Variants in RANBP2 observed in about 807,000 individuals in gnomAD.
RANBP2 encodes E3 SUMO-protein ligase RanBP2.
RANBP2 carries 57 observed loss-of-function variants against 303.6 expected under a neutral mutation model. That is an observed-to-expected ratio of 0.19 (90% CI 0.15 to 0.23). The LOEUF is 0.23. Ranked by LOEUF, RANBP2 falls within the 10% of genes least tolerant of loss-of-function variation. The probability of loss-of-function intolerance (pLI) is 1.00; values close to 1 mark genes in which losing one functional copy is unlikely to be tolerated. For synonymous variants in RANBP2, 1,167 were observed against 1,301.5 expected (o/e 0.90, Z 2.23); for missense variants, 3,138 against 3,780.8 (o/e 0.83, Z 4.46).
the RANBP2 span, among the ~76,000 whole-genome samples, chr2:109,096,628 G>A: frequency 6.6e-6 from 1 of 152,152 alleles, no homozygotes; most frequent in African/African-American, 2.4e-5. Context: ...CTCTCATGGA[G>A]AGCTGAAATG....
the RANBP2 span, chr2:109,613,292 A>G: frequency 2.9e-6 from 2 of 700,966 alleles, no homozygotes; most frequent in Non-Finnish European, 4.0e-6. Context: ...CAAGGCGGGA[A>G]AAAAACGGTT....
At chr2:109,106,569 G>A in the RANBP2 span, among the ~76,000 whole-genome samples, 2 of 152,128 alleles carry the variant, frequency 1.3e-5, no homozygotes, top group Non-Finnish European at 2.9e-5. Context: ...GGGTGCGGTG[G>A]CTCACACCTG....
At chr2:109,153,290 C>T in the RANBP2 span, among the ~76,000 whole-genome samples, 2 of 152,188 alleles carry the variant, frequency 1.3e-5, no homozygotes, top group Non-Finnish European at 2.9e-5. Flanking sequence ...TAAGCTGTCA[C>T]TGGAAACCCA....
At chr2:109,053,552 G>T in the RANBP2 span, among the ~76,000 whole-genome samples, 1 of 152,210 alleles carries the variant, frequency 6.6e-6, no homozygotes, top group East Asian at 1.9e-4. Context: ...GACTTTCTCT[G>T]CTCCAGCAGC....
chr2:108,743,826 C>T (rs185501194), intron 7 of RANBP2, among the ~76,000 whole-genome samples: 8 of 152,320 alleles, frequency 5.3e-5, no homozygotes, highest in Admixed American at 2.6e-4. Flanking sequence ...CACAGAGATA[C>T]CTACTTCAGT....
chr2:109,291,566 G>A, the RANBP2 span, among the ~76,000 whole-genome samples: 1 of 152,222 alleles, frequency 6.6e-6, no homozygotes, highest in African/African-American at 2.4e-5. Flanking sequence ...CTTGGAAGAA[G>A]CTCCTGCCAC....
At chr2:109,585,157 C>G in the RANBP2 span, 2 of 1,594,418 alleles carry the variant, frequency 1.3e-6, no homozygotes, top group South Asian at 2.3e-5. Flanking sequence ...TCACCAAATC[C>G]CACTGTATTC....
At chr2:109,440,145 T>C in the RANBP2 span, among the ~76,000 whole-genome samples, 1 of 152,216 alleles carries the variant, frequency 6.6e-6, no homozygotes, top group Non-Finnish European at 1.5e-5. Context: ...AGTTGTGACA[T>C]GACTGAAGCA....
the RANBP2 span, among the ~76,000 whole-genome samples, chr2:109,383,697 T>C: frequency 6.6e-6 from 1 of 152,280 alleles, no homozygotes; most frequent in Admixed American, 6.5e-5. Flanking sequence ...TCGTTGCTGC[T>C]CAACCCCCGC....
chr2:109,388,862 G>A, the RANBP2 span, among the ~76,000 whole-genome samples: 6 of 152,292 alleles, frequency 3.9e-5, no homozygotes, highest in South Asian at 1.2e-3. Context: ...AGAGACGGGA[G>A]GGAAGGAGGA....
At chr2:109,602,447 G>T in the RANBP2 span, among the ~76,000 whole-genome samples, 1 of 152,028 alleles carries the variant, frequency 6.6e-6, no homozygotes, top group African/African-American at 2.4e-5. Context: ...AGGCCAAGGC[G>T]GGTGGATCAC....
chr2:109,066,870 C>G, the RANBP2 span, among the ~76,000 whole-genome samples: 4 of 152,044 alleles, frequency 2.6e-5, no homozygotes, highest in African/African-American at 9.7e-5. Flanking sequence ...TTCCAAGAAC[C>G]CCCCAGGAAT....
chr2:109,237,844 C>T, the RANBP2 span, among the ~76,000 whole-genome samples: 1 of 151,898 alleles, frequency 6.6e-6, no homozygotes, highest in South Asian at 2.1e-4. Flanking sequence ...TAAAATAAAG[C>T]AAAAAATGAA....
chr2:109,443,974 T>C, the RANBP2 span, among the ~76,000 whole-genome samples: 1 of 152,242 alleles, frequency 6.6e-6, no homozygotes, highest in African/African-American at 2.4e-5. Context: ...TTTACTGAGA[T>C]AGATTATGTA....
At chr2:109,694,801 A>ATGTGTG in the RANBP2 span, among the ~76,000 whole-genome samples, 11,373 of 146,214 alleles carry the variant, frequency 0.078, 1,077 homozygotes, top group African/African-American at 0.23. Context: ...ATCCATAGGG[A>ATGTGTG]TGTGTGTGTG....
chr2:108,939,118 G>T, the RANBP2 span, among the ~76,000 whole-genome samples: 1 of 151,992 alleles, frequency 6.6e-6, no homozygotes, highest in Non-Finnish European at 1.5e-5. Context: ...ATGAAGTTTT[G>T]TTGAAACATG....
At chr2:109,350,015 G>A in the RANBP2 span, among the ~76,000 whole-genome samples, 1 of 152,372 alleles carries the variant, frequency 6.6e-6, no homozygotes, top group African/African-American at 2.4e-5. Context: ...TGGAGAATGT[G>A]CAGAAGACAG....
intron 20 of RANBP2, among the ~76,000 whole-genome samples, chr2:108,769,890 C>T (rs1677377919): frequency 6.6e-6 from 1 of 151,874 alleles, no homozygotes; most frequent in Admixed American, 6.6e-5. Context: ...AAATCTCACC[C>T]TTAGTGACCA....
At chr2:108,924,293 G>A in the RANBP2 span, among the ~76,000 whole-genome samples, 5 of 152,298 alleles carry the variant, frequency 3.3e-5, no homozygotes, top group Middle Eastern at 3.4e-3. Flanking sequence ...CCCTGCAGCC[G>A]TCCCGCTCCC....
Sources: allele counts gnomAD v4.1 joint callset (sites outside exome capture counted in the v4.1 genomes callset), GRCh38; gene constraint gnomAD v4.1.1; transcripts MANE v1.5; gene names NCBI Gene and HGNC (gene_info 2026-07-23, HGNC 2026-07-21).